Variants in RGS20 observed in about 807,000 individuals in gnomAD.
RGS20 encodes regulator of G protein signaling 20, also known as gz-selective GTPase-activating protein.
A neutral mutation model predicts 33.6 loss-of-function variants in RGS20; 30 were observed. The ratio of observed to expected loss-of-function variants is 0.89; its 90% CI spans 0.67 to 1.21. The LOEUF is 1.21. RGS20 is among the 50% of genes most tolerant of loss of function. RGS20 has a pLI of 0.00. For missense variants in RGS20, 472 were observed against 502.4 expected, an observed-to-expected ratio of 0.94 and a Z score of 0.58; for synonymous variants, 208 against 197.9, an observed-to-expected ratio of 1.05 and a Z score of -0.43.
chr8:53,901,487 C>T (rs1190005546), intron 2 of RGS20, among the ~76,000 whole-genome samples: 1 of 152,178 alleles, frequency 6.6e-6, no homozygotes, highest in Admixed American at 6.5e-5. Context: ...AGAAATTCTG[C>T]CACTTCAGGG....
intron 3 of RGS20, among the ~76,000 whole-genome samples, chr8:53,944,026 G>A (rs1814389224): frequency 6.6e-6 from 1 of 150,692 alleles, no homozygotes. Context: ...CACACACACT[G>A]AAAATTTATA....
intron 2 of RGS20, among the ~76,000 whole-genome samples, chr8:53,931,983 T>A (rs189952235): frequency 1.3e-5 from 2 of 152,226 alleles, no homozygotes; most frequent in Non-Finnish European, 2.9e-5. Context: ...CTTGCCTGTC[T>A]GTAAAGGATT....
At chr8:53,869,359 C>T (rs1463580223) in intron 1 of RGS20, among the ~76,000 whole-genome samples, 3 of 152,152 alleles carry the variant, frequency 2.0e-5, no homozygotes, top group African/African-American at 7.2e-5. Context: ...AGTTAATTCA[C>T]ATTTATTTAT....
At chr8:53,867,662 CCTT>C (rs2129270332) in intron 1 of RGS20, among the ~76,000 whole-genome samples, 1 of 108,478 alleles carries the variant, frequency 9.2e-6, no homozygotes, top group Non-Finnish European at 1.9e-5. Context: ...AAGTAGTCTT[CCTT>C]CCTTCCTTCC....
intron 2 of RGS20, among the ~76,000 whole-genome samples, chr8:53,882,904 C>T (rs1041721344): frequency 2.0e-5 from 3 of 152,128 alleles, no homozygotes; most frequent in South Asian, 2.1e-4. Context: ...CCTGGCGTGG[C>T]TTGGCTTCAT....
In RGS20 at chr8:53,869,746, C is replaced by T. The variant is rs77665141; in HGVS notation, c.166-9512C>T. Among the ~76,000 whole-genome samples the T allele has an allele frequency of 3.2e-3, 491 of 152,184 alleles. 5 individuals carry two copies. The highest frequency in any genetic ancestry group is 0.011 in the African/African-American group (473 of 41,532). ...TAGCACAGCTTTACAGTTGTCAGGA[C>T]CGGTAGGCTACACACACCAAGAGAA... On this transcript the variant is annotated intron_variant, in intron 1 of 5. Coordinates refer to ENST00000297313, the MANE Select transcript of RGS20 (RefSeq NM_170587.4).
chr8:53,936,946 C>A (rs1814152620), intron 2 of RGS20, among the ~76,000 whole-genome samples: 1 of 152,178 alleles, frequency 6.6e-6, no homozygotes, highest in Non-Finnish European at 1.5e-5. Flanking sequence ...CACCACACAT[C>A]TACAACCATC....
chr8:53,905,563 A>T (rs1813141302), intron 2 of RGS20, among the ~76,000 whole-genome samples: 2 of 152,150 alleles, frequency 1.3e-5, no homozygotes, highest in Non-Finnish European at 2.9e-5. Context: ...TACTAAACAG[A>T]ACATCACTGT....
At chr8:53,942,470 CA>C (rs981214512) in intron 3 of RGS20, among the ~76,000 whole-genome samples, 20 of 139,308 alleles carry the variant, frequency 1.4e-4, no homozygotes, top group South Asian at 2.3e-4. Context: ...AAAACAAAAA[CA>C]AAAAAAAAAG....
intron 4 of RGS20, among the ~76,000 whole-genome samples, chr8:53,950,028 T>A (rs2071899631): frequency 6.6e-6 from 1 of 151,832 alleles, no homozygotes; most frequent in African/African-American, 2.4e-5. Context: ...TTAGTAGAGA[T>A]GGGGTTTCCC....
intron 2 of RGS20, among the ~76,000 whole-genome samples, chr8:53,893,630 G>T (rs1302291976): frequency 6.6e-6 from 1 of 152,228 alleles, no homozygotes; most frequent in African/African-American, 2.4e-5. Flanking sequence ...AAGCATAAGA[G>T]TGAGGGGATC....
intron 1 of RGS20, among the ~76,000 whole-genome samples, chr8:53,871,295 C>T (rs1204906854): frequency 2.0e-5 from 3 of 151,990 alleles, no homozygotes; most frequent in Non-Finnish European, 2.9e-5. Flanking sequence ...CAAATTTTGA[C>T]CACACTACTC....
intron 2 of RGS20, chr8:53,933,653 G>A (rs6473897): frequency 0.28 from 43,125 of 152,928 alleles, 6,288 homozygotes; most frequent in African/African-American, 0.35. Context: ...TGAAAGTGAC[G>A]GGGAGAATGG....
intron 1 of RGS20, among the ~76,000 whole-genome samples, chr8:53,868,716 G>A (rs1407932589): frequency 1.3e-5 from 2 of 151,712 alleles, no homozygotes; most frequent in African/African-American, 2.4e-5. Context: ...TTTTAAAATT[G>A]TAAACCTCCA....
chr8:53,868,583 T>C (rs1811973861), intron 1 of RGS20, among the ~76,000 whole-genome samples: 1 of 152,094 alleles, frequency 6.6e-6, no homozygotes, highest in South Asian at 2.1e-4. Context: ...AATATTCTTA[T>C]AATAAAGATA....
intron 2 of RGS20, 88 bp from the exon 2 acceptor site, chr8:53,939,488 C>T (rs1049030019): frequency 2.2e-6 from 3 of 1,336,874 alleles, no homozygotes; most frequent in African/African-American, 1.5e-5. Flanking sequence ...TGTATCTTTT[C>T]AATGATCCAA....
chr8:53,941,635 T>C (rs1814300070), intron 3 of RGS20, among the ~76,000 whole-genome samples: 1 of 152,200 alleles, frequency 6.6e-6, no homozygotes, highest in Non-Finnish European at 1.5e-5. Flanking sequence ...GAAAATTTTC[T>C]TTCAAAAGTA....
chr8:53,864,710 T>C (rs2129269128), intron 1 of RGS20, among the ~76,000 whole-genome samples: 1 of 152,274 alleles, frequency 6.6e-6, no homozygotes, highest in South Asian at 2.1e-4. Flanking sequence ...CTAATTTTTT[T>C]CCACCATGTG....
At chr8:53,898,059 G>A (rs1464390721) in intron 2 of RGS20, among the ~76,000 whole-genome samples, 3 of 152,142 alleles carry the variant, frequency 2.0e-5, no homozygotes, top group African/African-American at 7.2e-5. Flanking sequence ...CCTCAGCAGG[G>A]CTGGAATGCC....
Sources: gnomAD v4.1 joint callset for allele counts (sites outside exome capture counted in the v4.1 genomes callset) on GRCh38, gnomAD v4.1.1 for gene constraint, MANE v1.5 for transcripts, NCBI Gene and HGNC (gene_info 2026-07-23, HGNC 2026-07-21) for gene names.